LONP2: variants seen among roughly 807,000 people sequenced by gnomAD.
LONP2 encodes the protein lon protease homolog 2, peroxisomal.
LONP2 carries 60 observed loss-of-function variants against 85.6 expected under a neutral mutation model. The observed-to-expected ratio is 0.70, with a 90% CI of 0.57 to 0.87. The LOEUF is 0.87. Ranked by LOEUF, LONP2 falls within the 40% of genes least tolerant of loss-of-function variation. The probability of loss-of-function intolerance (pLI) is 0.00; values close to 1 mark genes in which losing one functional copy is unlikely to be tolerated. For synonymous variants in LONP2, 395 were observed against 389.7 expected (o/e 1.01, Z -0.16); for missense variants, 860 against 1,063.5 (o/e 0.81, Z 2.66).
At chr16:48,350,202 A>G (rs946172064) in intron 14 of LONP2, among the ~76,000 whole-genome samples, 8 of 152,326 alleles carry the variant, frequency 5.3e-5, no homozygotes, top group African/African-American at 1.7e-4. Flanking sequence ...CCTGGCCAAC[A>G]TGGTGAAACC....
chr16:48,328,191 C>T (rs1185907305), intron 11 of LONP2, among the ~76,000 whole-genome samples: 1 of 152,084 alleles, frequency 6.6e-6, no homozygotes, highest in Non-Finnish European at 1.5e-5. Flanking sequence ...GGCAGGAGGA[C>T]CTGAGGCCAG....
intron 11 of LONP2, among the ~76,000 whole-genome samples, chr16:48,313,750 C>A (rs1437968577): frequency 6.6e-6 from 1 of 152,140 alleles, no homozygotes; most frequent in Non-Finnish European, 1.5e-5. Flanking sequence ...TGGGTTGATT[C>A]CATGTCTTTG....
chr16:48,311,279 A>G (rs1973025156), intron 11 of LONP2, among the ~76,000 whole-genome samples: 1 of 152,018 alleles, frequency 6.6e-6, no homozygotes. Flanking sequence ...TCCTCTAGGA[A>G]TACCTATGAT....
intron 6 of LONP2, among the ~76,000 whole-genome samples, chr16:48,263,231 C>G (rs1294338654): frequency 1.3e-5 from 2 of 152,066 alleles, no homozygotes; most frequent in African/African-American, 2.4e-5. Context: ...AACATAAGGT[C>G]TAATGTTAAA....
chr16:48,244,414 T>A lies in LONP2; in HGVS notation c.26T>A (p.Ile9Asn), dbSNP rs1017946728. 1.3e-6 allele frequency: 2 copies of A among 1,579,416 alleles called. No homozygotes were observed. The highest frequency in any genetic ancestry group is 1.7e-6 in the Non-Finnish European group (2 of 1,168,506). The part of the protein sequence containing the change: MSSVSPIQ[I>N]PSRLPLLLTH... ...ATGTCATCAGTGAGCCCCATCCAGA[T>A]CCCCAGTCGCCTCCCGCTGCTGCTC... Residue 9 changes from isoleucine to asparagine, a missense_variant, in exon 1 of 15, where the codon ATC becomes AAC. Ile to Asn is a moderately radical substitution (Grantham distance 149). Around this residue, in one of 3 missense-constraint regions of LONP2, gnomAD observed 743 missense variants for 917.3 expected, o/e 0.81. Coordinates refer to ENST00000285737, the MANE Select transcript of LONP2 (RefSeq NM_031490.5).
chr16:48,258,029 T>A (rs1971796333), intron 3 of LONP2, among the ~76,000 whole-genome samples: 1 of 152,196 alleles, frequency 6.6e-6, no homozygotes, highest in Non-Finnish European at 1.5e-5. Flanking sequence ...ACGTCAACTG[T>A]GTGTCTGGTT....
At chr16:48,281,450 G>A (rs980487646) in intron 8 of LONP2, among the ~76,000 whole-genome samples, 2 of 152,032 alleles carry the variant, frequency 1.3e-5, no homozygotes, top group African/African-American at 4.8e-5. Flanking sequence ...TAGAATTTGG[G>A]CAAGTCTATA....
In LONP2 at chr16:48,336,819, G is replaced by T. The variant is rs112491568; in HGVS notation, c.1938+2461G>T. 7.2e-3 allele frequency among the ~76,000 whole-genome samples: 1,095 copies of T among 152,316 alleles called. 13 individuals are homozygous for T. The highest frequency in any genetic ancestry group is 0.024 in the African/African-American group (1,002 of 41,558). On this transcript the variant is annotated intron_variant, in intron 12 of 14. Transcript: ENST00000285737. Reference sequence around the variant, plus strand: ...GGATGTATACATGCAGGTCACAGGGGATATGATGGCTTAGCTTGGGCTCAG... The same window carrying T: ...GGATGTATACATGCAGGTCACAGGGTATATGATGGCTTAGCTTGGGCTCAG...
chr16:48,351,555 C>G (rs745876135), intron 14 of LONP2, 26 bp from the exon 15 acceptor site: 8 of 1,602,852 alleles, frequency 5.0e-6, no homozygotes, highest in Admixed American at 1.7e-5. Flanking sequence ...ATCATTAACC[C>G]TAAAAACTTT....
chr16:48,322,675 G>C (rs922887099), intron 11 of LONP2, among the ~76,000 whole-genome samples: 8 of 152,152 alleles, frequency 5.3e-5, no homozygotes, highest in African/African-American at 1.9e-4. Flanking sequence ...ATGAGTTCAA[G>C]ACCAGTCTGG....
Position 48,353,995 on chromosome 16 carries a change from T to G in LONP2, c.*2193T>G, listed in dbSNP as rs918355953. 1 of 148,156 alleles carries G rather than the reference T, an allele frequency of 6.7e-6. No individual in the cohort carries two copies. The highest frequency in any genetic ancestry group is 2.6e-5 in the African/African-American group (1 of 38,916). The allele number at this position is 148,156 out of a possible 1,614,324, so 9.2% of individuals were successfully genotyped here. On this transcript the variant is annotated 3_prime_UTR_variant, in exon 15 of 15. Transcript: ENST00000285737. The stretch of plus-strand genomic sequence containing the variant: ...TTGCACTAGCTTTGTTTTTGGTTTG[T>G]TTTGTTTTTTTTTTAATTCCAGGGG...
At chr16:48,359,887 C>T (rs1960513611), downstream of LONP2, among the ~76,000 whole-genome samples, 1 of 152,202 alleles carries the variant, frequency 6.6e-6, no homozygotes, top group Non-Finnish European at 1.5e-5. Context: ...CATTGACTTT[C>T]TAGGCTTACA....
Position 48,249,721 on chromosome 16 carries a change from G to GA in LONP2, c.234-2401dup, listed in dbSNP as rs1045303520. ...TGAGATCCCATCTCTGTTAAAAAAA[G>GA]AAAAAAAAATTTTTTTAAAGGGATA... On this transcript the variant is annotated intron_variant, in intron 1 of 14. Transcript: ENST00000285737. Among the ~76,000 whole-genome samples the GA allele has an allele frequency of 7.3e-5, 11 of 151,274 alleles. No individual in the cohort carries two copies. In the East Asian group the frequency reaches 2.1e-3, roughly 29 times the overall value.
chr16:48,334,150 A>T, intron 11 of LONP2, 66 bp from the exon 12 acceptor site: 1 of 1,482,422 alleles, frequency 6.7e-7, no homozygotes, highest in Non-Finnish European at 9.3e-7. Flanking sequence ...TTTGATATTT[A>T]CTGCTAGTGA....
In LONP2 at chr16:48,352,368, G is replaced by A. The variant is rs114279889; in HGVS notation, c.*566G>A. The A allele has an allele frequency of 0.015, 2,239 of 152,842 alleles. 65 individuals carry two copies. The highest frequency in any genetic ancestry group is 0.052 in the African/African-American group (2,156 of 41,502). 9.5% of individuals were successfully genotyped at this position (152,842 alleles called of 1,614,324 possible). On this transcript the variant is annotated 3_prime_UTR_variant, in exon 15 of 15. Coordinates refer to ENST00000285737, the MANE Select transcript of LONP2 (RefSeq NM_031490.5). The stretch of plus-strand genomic sequence containing the variant: ...CTATATATATATATTCAAGTGGGCC[G>A]GGCGTGATGGCTCACACCTGTAATT...
intron 12 of LONP2, among the ~76,000 whole-genome samples, chr16:48,343,582 C>T (rs900544321): frequency 1.3e-5 from 2 of 152,052 alleles, no homozygotes; most frequent in African/African-American, 2.4e-5. Flanking sequence ...CCTGTAGTCC[C>T]AGCTACTTGG....
chr16:48,287,105 C>G (rs1972459481), intron 8 of LONP2, among the ~76,000 whole-genome samples: 1 of 152,186 alleles, frequency 6.6e-6, no homozygotes, highest in Admixed American at 6.5e-5. Flanking sequence ...AGTACCTGGA[C>G]AGTAGCTCTC....
downstream of LONP2, among the ~76,000 whole-genome samples, chr16:48,357,760 T>C (rs568463556): frequency 5.3e-5 from 8 of 152,360 alleles, no homozygotes; most frequent in African/African-American, 1.7e-4. Context: ...CAGCACACTA[T>C]TATTTTGGTG....
At chr16:48,287,282 T>C (rs1177014314) in intron 8 of LONP2, among the ~76,000 whole-genome samples, 1 of 152,236 alleles carries the variant, frequency 6.6e-6, no homozygotes, top group Non-Finnish European at 1.5e-5. Flanking sequence ...TGGATATACT[T>C]AGAGCCTGCA....
Sources: gnomAD v4.1 joint callset for allele counts (sites outside exome capture counted in the v4.1 genomes callset) on GRCh38, gnomAD v4.1.1 for gene constraint, gnomAD v4.1.1 regional missense constraint, MANE v1.5 for transcripts, NCBI Gene and HGNC (gene_info 2026-07-23, HGNC 2026-07-21) for gene names.